HERC4: variants seen among roughly 807,000 people sequenced by gnomAD.
The protein encoded by HERC4 is probable E3 ubiquitin-protein ligase HERC4.
A neutral mutation model predicts 124.3 loss-of-function variants in HERC4; 28 were observed. The ratio of observed to expected loss-of-function variants is 0.23; its 90% CI spans 0.17 to 0.31. The LOEUF is 0.31. Among genes scored for constraint, HERC4 ranks in the 10% least tolerant of loss-of-function variants. The probability of loss-of-function intolerance (pLI) is 1.00; values close to 1 mark genes in which losing one functional copy is unlikely to be tolerated. For synonymous variants in HERC4, 407 were observed against 421.5 expected, an observed-to-expected ratio of 0.97 and a Z score of 0.42; for missense variants, 713 against 1,229.3, an observed-to-expected ratio of 0.58 and a Z score of 6.28.
At chr10:68,025,783 T>A in intron 7 of HERC4, 107 bp from the exon 8 acceptor site, 1 of 1,103,072 alleles carries the variant, frequency 9.1e-7, no homozygotes, top group South Asian at 2.0e-5. Flanking sequence ...TTTTTTCTCT[T>A]CTAAGAACTG....
At chr10:68,058,007 T>G (rs1451249257) in intron 3 of HERC4, among the ~76,000 whole-genome samples, 1 of 152,158 alleles carries the variant, frequency 6.6e-6, no homozygotes, top group Non-Finnish European at 1.5e-5. Context: ...GGCCACCTTA[T>G]AATTATTAAT....
chr10:68,051,229 G>A (rs1401242204), intron 3 of HERC4, among the ~76,000 whole-genome samples: 1 of 151,626 alleles, frequency 6.6e-6, no homozygotes, highest in African/African-American at 2.4e-5. Flanking sequence ...TGTTGGAAAG[G>A]TTTAATAACA....
intron 8 of HERC4, among the ~76,000 whole-genome samples, chr10:68,016,311 G>C (rs1041918405): frequency 6.6e-6 from 1 of 151,978 alleles, no homozygotes; most frequent in Non-Finnish European, 1.5e-5. Flanking sequence ...GGAGGTTTTT[G>C]ACAATTATTG....
intron 19 of HERC4, among the ~76,000 whole-genome samples, chr10:67,951,469 T>C (rs1295215892): frequency 6.6e-6 from 1 of 152,200 alleles, no homozygotes; most frequent in Non-Finnish European, 1.5e-5. Context: ...TCTGACACAA[T>C]TTTATGACTG....
intron 9 of HERC4, chr10:68,010,579 G>A (rs949149278): frequency 1.4e-5 from 16 of 1,150,436 alleles, no homozygotes; most frequent in Non-Finnish European, 1.9e-5. Context: ...ATACTGGTTC[G>A]CTTTCTCTTT....
chr10:67,978,674 C>G (rs147433338), intron 15 of HERC4, among the ~76,000 whole-genome samples: 9 of 152,334 alleles, frequency 5.9e-5, no homozygotes, highest in Non-Finnish European at 1.2e-4. Context: ...AGACCCAGTG[C>G]TGTGCTGGCT....
chr10:67,936,013 G>C lies in HERC4; in HGVS notation c.2654+140C>G, dbSNP rs2032326531. 4 of 507,726 alleles carry C rather than the reference G, an allele frequency of 7.9e-6. No individual in the cohort carries two copies. In the South Asian group the frequency reaches 1.5e-4, roughly 19 times the overall value. The allele number at this position is 507,726 out of a possible 1,614,324, so 31.5% of individuals were successfully genotyped here. ...CTTCAAGGGATTTCAGGAGGAAAAG[G>C]CAGATTATTTCCTCACTAACCACTC... On this transcript the variant is annotated intron_variant, in intron 22 of 24. Transcript: ENST00000373700.
chr10:68,039,105 G>A (rs1011098260), intron 4 of HERC4, among the ~76,000 whole-genome samples: 5 of 148,940 alleles, frequency 3.4e-5, no homozygotes, highest in South Asian at 2.1e-4. Context: ...TCAGGAGTTT[G>A]AGACCAGACT....
intron 9 of HERC4, among the ~76,000 whole-genome samples, chr10:68,006,367 T>C (rs1180204704): frequency 2.7e-5 from 4 of 149,076 alleles, no homozygotes; most frequent in African/African-American, 7.5e-5. Context: ...GTTTTTGTTT[T>C]TGTTTTTGTT....
intron 15 of HERC4, among the ~76,000 whole-genome samples, chr10:67,983,395 G>A (rs1392087227): frequency 6.6e-6 from 1 of 152,152 alleles, no homozygotes; most frequent in African/African-American, 2.4e-5. Flanking sequence ...AACGAAAGCA[G>A]TATATCATAC....
At chr10:68,001,064 T>C (rs1214451872) in intron 9 of HERC4, among the ~76,000 whole-genome samples, 4 of 152,164 alleles carry the variant, frequency 2.6e-5, no homozygotes, top group Non-Finnish European at 5.9e-5. Context: ...AGGAATATTC[T>C]GGCTGTTAAG....
At chr10:68,010,210 T>C (rs2037856440) in intron 9 of HERC4, 6 of 1,073,504 alleles carry the variant, frequency 5.6e-6, no homozygotes. Context: ...CACCTCAGTT[T>C]GAATGCATGG....
At chr10:68,051,897 G>A (rs879892042) in intron 3 of HERC4, among the ~76,000 whole-genome samples, 3 of 145,656 alleles carry the variant, frequency 2.1e-5, no homozygotes, top group Non-Finnish European at 4.5e-5. Flanking sequence ...TCGAACTCGT[G>A]AGCTCAAGCA....
chr10:68,042,338 C>T (rs545605598), intron 4 of HERC4, among the ~76,000 whole-genome samples: 1 of 151,788 alleles, frequency 6.6e-6, no homozygotes, highest in Non-Finnish European at 1.5e-5. Context: ...AATCTATAAA[C>T]ACTAGGCAGG....
At chr10:68,054,555 G>A (rs963549266) in intron 3 of HERC4, among the ~76,000 whole-genome samples, 1 of 151,820 alleles carries the variant, frequency 6.6e-6, no homozygotes, top group African/African-American at 2.4e-5. Context: ...TGTTGGCCAG[G>A]CTTGTCTCAA....
intron 15 of HERC4, among the ~76,000 whole-genome samples, chr10:67,970,357 G>A (rs1405858590): frequency 1.3e-5 from 2 of 152,102 alleles, no homozygotes; most frequent in East Asian, 1.9e-4. Flanking sequence ...TCGGGGAGGA[G>A]AAGGCAGGTG....
chr10:68,032,132 A>G (rs2039240269), intron 7 of HERC4, among the ~76,000 whole-genome samples: 1 of 152,248 alleles, frequency 6.6e-6, no homozygotes, highest in Non-Finnish European at 1.5e-5. Context: ...AATTTGACCA[A>G]TGAAAAACTT....
intron 3 of HERC4, among the ~76,000 whole-genome samples, chr10:68,065,003 T>A (rs1027679185): frequency 6.6e-6 from 1 of 151,900 alleles, no homozygotes; most frequent in African/African-American, 2.4e-5. Context: ...AATAGAATAC[T>A]TAAATAAATT....
Position 67,978,469 on chromosome 10 carries a change from G to A in HERC4, c.1806+10194C>T, listed in dbSNP as rs190868110. Among the ~76,000 whole-genome samples, 334 of 152,308 alleles carry A rather than the reference G, an allele frequency of 2.2e-3. 2 individuals are homozygous for A. The highest frequency in any genetic ancestry group is 0.013 in the South Asian group (64 of 4,826). ...CTGCAGTACAACAGAACACCAGGTA[G>A]ACGTCTAAGGTTTTTCACTCTAGTC... On this transcript the variant is annotated intron_variant, in intron 15 of 24. Transcript: ENST00000373700.
Sources: gnomAD v4.1 joint callset for allele counts (sites outside exome capture counted in the v4.1 genomes callset) on GRCh38, gnomAD v4.1.1 for gene constraint, MANE v1.5 for transcripts, NCBI Gene and HGNC (gene_info 2026-07-23, HGNC 2026-07-21) for gene names.